NCOA1: variants seen among roughly 807,000 people sequenced by gnomAD.
NCOA1 encodes the protein Hin-2 protein.
NCOA1 carries 35 observed loss-of-function variants against 150.9 expected under a neutral mutation model. The observed-to-expected ratio is 0.23, with a 90% CI of 0.18 to 0.31. The LOEUF is 0.31. Among genes scored for constraint, NCOA1 ranks in the 10% least tolerant of loss-of-function variants. The pLI is 1.00. For missense variants in NCOA1, 1,491 were observed against 1,749.3 expected, an observed-to-expected ratio of 0.85 and a Z score of 2.63; for synonymous variants, 590 against 630.0, an observed-to-expected ratio of 0.94 and a Z score of 0.95.
chr2:24,727,410 T>C (rs1432590271), intron 15 of NCOA1, among the ~76,000 whole-genome samples: 1 of 152,170 alleles, frequency 6.6e-6, no homozygotes, highest in Non-Finnish European at 1.5e-5. Flanking sequence ...TTTCTCTTCG[T>C]TTGGTGCAAG....
At position 24,741,955 on chromosome 2, in the gene NCOA1, C is replaced by T. The variant is rs374062983; in HGVS notation, c.3475C>T (p.Leu1159Phe). Residue 1159 changes from leucine (L) to phenylalanine (F), a missense_variant, in exon 19 of 23, where the codon CTT (leucine) becomes TTT (phenylalanine). Leu to Phe is a conservative substitution (Grantham distance 22). This residue lies in a region of NCOA1 where 485 missense variants were observed against 522.8 expected (regional missense o/e 0.93). Coordinates refer to ENST00000348332, the MANE Select transcript of NCOA1 (RefSeq NM_003743.5). ...ACCAGTTCAAATGGGGAACCCCCGTCTTCCTCAGGGTGCTCCACAGCAATT... is the reference window on the plus strand; with the variant it reads ...ACCAGTTCAAATGGGGAACCCCCGTTTTCCTCAGGGTGCTCCACAGCAATT... ...GLPVQMGNPR[L>F]PQGAPQQFPY... is the part of the protein sequence containing the mutation. 1 of 1,614,234 alleles carries T rather than the reference C, an allele frequency of 6.2e-7. No homozygotes were observed. Among genetic ancestry groups the T allele is most frequent in the South Asian group, 1.1e-5 (1 of 91,086 alleles).
intron 19 of NCOA1, among the ~76,000 whole-genome samples, chr2:24,747,916 G>A (rs1355050633): frequency 6.6e-6 from 1 of 151,848 alleles, no homozygotes; most frequent in Non-Finnish European, 1.5e-5. Context: ...AGACCAGCCT[G>A]ACCAACATGG....
chr2:24,559,567 G>T (rs1666213401), intron 1 of NCOA1, among the ~76,000 whole-genome samples: 1 of 152,154 alleles, frequency 6.6e-6, no homozygotes, highest in Non-Finnish European at 1.5e-5. Flanking sequence ...AGACTCAATT[G>T]TATTCAGGCC....
At position 24,575,195 on chromosome 2, in the gene NCOA1, G is replaced by A. The variant is rs537845812; in HGVS notation, c.-259-9281G>A. 4.6e-5 allele frequency among the ~76,000 whole-genome samples: 7 copies of A among 151,900 alleles called. No individual in the cohort carries two copies. In the South Asian group the frequency reaches 1.5e-3, roughly 32 times the overall value. On this transcript the variant is annotated intron_variant, in intron 2 of 22. Coordinates refer to ENST00000348332, the MANE Select transcript of NCOA1 (RefSeq NM_003743.5). ...TTATTTTTGTATTTTTCTCCTTTGTGCTTCATTTTGGAAATCTTCTATTGC... is the reference window on the plus strand; with the variant it reads ...TTATTTTTGTATTTTTCTCCTTTGTACTTCATTTTGGAAATCTTCTATTGC...
intron 7 of NCOA1, among the ~76,000 whole-genome samples, chr2:24,681,062 A>T (rs1402682786): frequency 1.5e-5 from 1 of 67,882 alleles, no homozygotes; most frequent in African/African-American, 3.4e-5. Context: ...GCATTTTCAC[A>T]TAAAAAAAAA....
chr2:24,586,790 T>C (rs535006600), intron 3 of NCOA1, among the ~76,000 whole-genome samples: 6 of 152,246 alleles, frequency 3.9e-5, no homozygotes, highest in Admixed American at 3.3e-4. Flanking sequence ...TCTACACATA[T>C]GCAACTTGGA....
At chr2:24,745,286 C>T (rs187233017) in intron 19 of NCOA1, among the ~76,000 whole-genome samples, 2,076 of 151,580 alleles carry the variant, frequency 0.014, 46 homozygotes, top group African/African-American at 0.048. Context: ...CTCAGCCTCC[C>T]GAGTAGCTGG....
chr2:24,758,208 G>T, intron 21 of NCOA1, 52 bp downstream of exon 21: 1 of 1,484,192 alleles, frequency 6.7e-7, no homozygotes. Context: ...AGTTAATTCT[G>T]AGGAAAATCA....
chr2:24,491,957 CG>C (rs1219976656), intron 1 of NCOA1: 1 of 151,846 alleles, frequency 6.6e-6, no homozygotes. Context: ...GCGTGGGGAG[CG>C]GGCGCCCCGG....
chr2:24,713,568 A>G (rs1220847291), intron 14 of NCOA1, among the ~76,000 whole-genome samples: 2 of 152,230 alleles, frequency 1.3e-5, no homozygotes, highest in East Asian at 1.9e-4. Flanking sequence ...ACTTTCAACT[A>G]TGACAGCAAT....
Position 24,491,410 on chromosome 2 carries a change from C to G in NCOA1, c.-588C>G, listed in dbSNP as rs1352138556. Among the ~76,000 whole-genome samples the G allele has an allele frequency of 1.3e-5, 2 of 148,312 alleles. No homozygotes were observed. Among genetic ancestry groups the G allele is most frequent in the Non-Finnish European group, 1.5e-5 (1 of 66,510 alleles). On this transcript the variant is annotated 5_prime_UTR_variant, in exon 1 of 23. Coordinates refer to ENST00000348332, the MANE Select transcript of NCOA1 (RefSeq NM_003743.5). Reference sequence around the variant, plus strand: ...CTTGAGGGCCTCCGCCGCCTGTTCGCTGCTGCTCCCTCGAGCGGAGCCTGC... The same window carrying G: ...CTTGAGGGCCTCCGCCGCCTGTTCGGTGCTGCTCCCTCGAGCGGAGCCTGC...
chr2:24,514,285 C>CAAAA (rs57412614), intron 1 of NCOA1, among the ~76,000 whole-genome samples: 1 of 32,890 alleles, frequency 3.0e-5, no homozygotes, highest in African/African-American at 1.3e-4. Context: ...GACTCTGTCT[C>CAAAA]AAAAAAAAAA....
chr2:24,638,702 G>T (rs1007844809), intron 3 of NCOA1, among the ~76,000 whole-genome samples: 1 of 152,108 alleles, frequency 6.6e-6, no homozygotes, highest in African/African-American at 2.4e-5. Flanking sequence ...GGGGTGAGAT[G>T]ATTACCTCAT....
In NCOA1 at chr2:24,758,022, G is replaced by A. The variant is rs1226786305; in HGVS notation, c.3931G>A (p.Val1311Ile). The change falls in exon 21 of 23, where the codon GTA becomes ATA. Residue 1311 changes from valine to isoleucine, a missense_variant. Val to Ile is a conservative substitution (Grantham distance 29). Around this residue, in one of 8 missense-constraint regions of NCOA1, gnomAD observed 485 missense variants for 522.8 expected, o/e 0.93. Transcript: ENST00000348332. ...QNQPTPAQPG[V>I]YNNMSITVSM... ...CCAGCCCACGCCTGCACAGCCAGGA[G>A]TATACAACAACATGAGCATCACCGT... The A allele has an allele frequency of 6.2e-6, 10 of 1,614,020 alleles. No homozygotes were observed. Among genetic ancestry groups the A allele is most frequent in the Non-Finnish European group, 6.8e-6 (8 of 1,180,036 alleles).
At chr2:24,539,005 C>G (rs1435628880) in intron 1 of NCOA1, among the ~76,000 whole-genome samples, 2 of 152,080 alleles carry the variant, frequency 1.3e-5, no homozygotes, top group Admixed American at 6.5e-5. Context: ...AGACCTGTCC[C>G]CCTAATAAAA....
chr2:24,509,798 TAAAAGGAC>T (rs761348845), intron 1 of NCOA1, among the ~76,000 whole-genome samples: 49 of 152,174 alleles, frequency 3.2e-4, no homozygotes, highest in Non-Finnish European at 1.0e-4. Context: ...TTCTTTTTTC[TAAAAGGAC>T]AAATATTTGT....
rs968854382 is a variant in NCOA1, at chr2:24,564,277, T to C, written c.-395-18T>C. The C allele has an allele frequency of 6.6e-6, 1 of 152,208 alleles. No homozygotes were observed. The highest frequency in any genetic ancestry group is 2.4e-5 in the African/African-American group (1 of 41,448). 9.4% of individuals were successfully genotyped at this position (152,208 alleles called of 1,614,324 possible). ...ATGTTTTCAATGGCCCAATTGTGTC[T>C]TCTCTCTCCTGCTTTAGATCTATCC... On this transcript the variant is annotated intron_variant, in intron 1 of 22. Transcript: ENST00000348332.
At chr2:24,563,683 A>G (rs908221032) in intron 1 of NCOA1, among the ~76,000 whole-genome samples, 4 of 152,028 alleles carry the variant, frequency 2.6e-5, no homozygotes, top group African/African-American at 9.7e-5. Flanking sequence ...AAGCCCAGCT[A>G]ATTTTTGTAA....
intron 21 of NCOA1, among the ~76,000 whole-genome samples, chr2:24,760,143 CTT>C (rs1214234878): frequency 3.2e-5 from 4 of 125,902 alleles, no homozygotes; most frequent in Non-Finnish European, 5.2e-5. Flanking sequence ...TTTTTTTTTT[CTT>C]TTTTTTTTTT....
Sources: allele counts gnomAD v4.1 joint callset (sites outside exome capture counted in the v4.1 genomes callset), GRCh38; gene constraint gnomAD v4.1.1; regional missense constraint gnomAD v4.1.1; transcripts MANE v1.5; gene names NCBI Gene and HGNC (gene_info 2026-07-23, HGNC 2026-07-21).